FBXL17: variants seen among roughly 807,000 people sequenced by gnomAD.
FBXL17 encodes the protein F-box and leucine rich repeat protein 17, also known as F-box/LRR-repeat protein 17.
In FBXL17, 22 loss-of-function variants were observed where a neutral mutation model predicts 66.2. The ratio of observed to expected loss-of-function variants is 0.33; its 90% confidence interval spans 0.24 to 0.47. The LOEUF (loss-of-function observed/expected upper bound fraction) is 0.47. Ranked by LOEUF, FBXL17 falls within the 20% of genes least tolerant of loss-of-function variation. The pLI is 1.00. For synonymous variants in FBXL17, 474 were observed against 400.5 expected (o/e 1.18, Z -2.19); for missense variants, 878 against 948.2 (o/e 0.93, Z 0.97).
intron 7 of FBXL17, among the ~76,000 whole-genome samples, chr5:107,895,029 G>C (rs1749327580): frequency 6.6e-6 from 1 of 151,826 alleles, no homozygotes; most frequent in Non-Finnish European, 1.5e-5. Context: ...TTTTATTTTT[G>C]TTAGCAATAT....
At chr5:108,362,561 C>T (rs1012475228) in intron 3 of FBXL17, among the ~76,000 whole-genome samples, 1 of 151,996 alleles carries the variant, frequency 6.6e-6, no homozygotes, top group African/African-American at 2.4e-5. Context: ...TTTTGAGTGA[C>T]TATTATGAAA....
At chr5:108,204,989 CAG>C (rs1266752450) in intron 5 of FBXL17, among the ~76,000 whole-genome samples, 2 of 151,970 alleles carry the variant, frequency 1.3e-5, no homozygotes, top group Admixed American at 6.6e-5. Context: ...AAACTTACTG[CAG>C]ACTCTAACTC....
chr5:108,013,461 T>C (rs148311020), intron 7 of FBXL17, among the ~76,000 whole-genome samples: 20 of 152,322 alleles, frequency 1.3e-4, no homozygotes, highest in African/African-American at 3.8e-4. Flanking sequence ...CCAAGGGTTG[T>C]TCTACCTCAA....
chr5:107,996,605 C>T (rs1245375029), intron 7 of FBXL17, among the ~76,000 whole-genome samples: 6 of 152,162 alleles, frequency 3.9e-5, no homozygotes, highest in African/African-American at 7.2e-5. Flanking sequence ...TGAGCCACAA[C>T]GCCTGACCTA....
At chr5:108,048,891 A>G (rs1007234833) in intron 6 of FBXL17, among the ~76,000 whole-genome samples, 2 of 152,196 alleles carry the variant, frequency 1.3e-5, no homozygotes, top group Non-Finnish European at 2.9e-5. Flanking sequence ...ACTTCAGTAC[A>G]TTATCCAGGA....
chr5:107,885,518 T>C (rs1345478761), intron 7 of FBXL17, among the ~76,000 whole-genome samples: 1 of 152,182 alleles, frequency 6.6e-6, no homozygotes, highest in Admixed American at 6.5e-5. Flanking sequence ...TAAATATCCA[T>C]ACATAGGAGA....
rs549218943 is a variant in FBXL17 at position 107,931,067 on chromosome 5, G to A, written c.1823-49888C>T. Among the ~76,000 whole-genome samples the A allele has an allele frequency of 1.1e-4, 17 of 152,122 alleles. No homozygotes were observed. The East Asian group carries it at 1.5e-3, about 14-fold the overall frequency. ...TCACTTTTGGTTGTGCTGAGCAGTCGGTTGAATTGAGCAGAACAATAAAAC... is the reference window on the plus strand; with the variant it reads ...TCACTTTTGGTTGTGCTGAGCAGTCAGTTGAATTGAGCAGAACAATAAAAC... On this transcript the variant is annotated intron_variant, in intron 7 of 8. Transcript: ENST00000542267.
At chr5:108,142,353 C>T (rs1400336284) in intron 6 of FBXL17, among the ~76,000 whole-genome samples, 2 of 152,130 alleles carry the variant, frequency 1.3e-5, no homozygotes, top group Non-Finnish European at 2.9e-5. Flanking sequence ...TCTCCATCTA[C>T]TTTTAGCAAA....
chr5:107,935,786 G>C (rs1285317534), intron 7 of FBXL17, among the ~76,000 whole-genome samples: 1 of 152,070 alleles, frequency 6.6e-6, no homozygotes, highest in African/African-American at 2.4e-5. Flanking sequence ...AGGTTCACAA[G>C]ATCTCATTCC....
intron 6 of FBXL17, among the ~76,000 whole-genome samples, chr5:108,155,490 G>C (rs1283258406): frequency 6.6e-6 from 1 of 152,122 alleles, no homozygotes; most frequent in East Asian, 1.9e-4. Flanking sequence ...ACTCCAGCCT[G>C]GGTGACAGAG....
chr5:107,948,726 T>G (rs1387159465), intron 7 of FBXL17, among the ~76,000 whole-genome samples: 1 of 152,236 alleles, frequency 6.6e-6, no homozygotes, highest in East Asian at 1.9e-4. Flanking sequence ...TTTCCATCAT[T>G]AACTAGTTAT....
intron 4 of FBXL17, among the ~76,000 whole-genome samples, chr5:108,296,969 T>C (rs960131814): frequency 6.6e-6 from 1 of 151,398 alleles, no homozygotes; most frequent in Non-Finnish European, 1.5e-5. Context: ...AAATTGATAT[T>C]AAAGGAAAAT....
chr5:108,158,744 G>A (rs1446477787), intron 6 of FBXL17, among the ~76,000 whole-genome samples: 1 of 152,144 alleles, frequency 6.6e-6, no homozygotes, highest in East Asian at 1.9e-4. Context: ...CACTGATTAT[G>A]CAGATAAGTG....
intron 7 of FBXL17, among the ~76,000 whole-genome samples, chr5:107,994,700 C>T (rs959868873): frequency 3.9e-5 from 6 of 151,946 alleles, no homozygotes; most frequent in Admixed American, 1.3e-4. Flanking sequence ...TAGCCAGGCG[C>T]GGTGGCAGGT....
intron 4 of FBXL17, among the ~76,000 whole-genome samples, chr5:108,258,161 T>G (rs1007638090): frequency 6.6e-6 from 1 of 152,104 alleles, no homozygotes; most frequent in Non-Finnish European, 1.5e-5. Flanking sequence ...TTAAGTAAGG[T>G]CATAATGGTG....
intron 6 of FBXL17, among the ~76,000 whole-genome samples, chr5:108,182,683 A>G (rs1753052762): frequency 6.6e-6 from 1 of 152,200 alleles, no homozygotes; most frequent in Non-Finnish European, 1.5e-5. Flanking sequence ...CCAAATAACC[A>G]TTAGTTAAGT....
intron 6 of FBXL17, among the ~76,000 whole-genome samples, chr5:108,162,566 C>A (rs1030462457): frequency 6.6e-6 from 1 of 152,148 alleles, no homozygotes; most frequent in Admixed American, 6.5e-5. Flanking sequence ...TCCACATATT[C>A]ATTCTTGAAC....
intron 7 of FBXL17, among the ~76,000 whole-genome samples, chr5:107,919,322 A>G (rs559809212): frequency 2.6e-5 from 4 of 152,192 alleles, no homozygotes; most frequent in African/African-American, 4.8e-5. Flanking sequence ...CTTCTCCCCA[A>G]TTCCTTTGCT....
At chr5:107,965,652 T>C (rs890635390) in intron 7 of FBXL17, among the ~76,000 whole-genome samples, 1 of 152,154 alleles carries the variant, frequency 6.6e-6, no homozygotes, top group African/African-American at 2.4e-5. Flanking sequence ...TCAAATATGT[T>C]TTTAAACATA....
Sources: allele counts gnomAD v4.1 joint callset (sites outside exome capture counted in the v4.1 genomes callset), GRCh38; gene constraint gnomAD v4.1.1; transcripts MANE v1.5; gene names NCBI Gene and HGNC (gene_info 2026-07-23, HGNC 2026-07-21).